Variants in SLC16A7 observed in about 807,000 individuals in gnomAD.
SLC16A7 encodes solute carrier family 16 member 7.
A neutral mutation model predicts 34.9 loss-of-function variants in SLC16A7; 33 were observed. That is an observed-to-expected ratio of 0.94 (90% CI 0.72 to 1.26). The LOEUF (loss-of-function observed/expected upper bound fraction) is 1.26. Ranked by LOEUF, SLC16A7 falls within the 50% of genes most tolerant of loss-of-function variation. SLC16A7 has a pLI of 0.00. For missense variants in SLC16A7, 573 were observed against 578.1 expected, an observed-to-expected ratio of 0.99 and a Z score of 0.09; for synonymous variants, 201 against 206.6, an observed-to-expected ratio of 0.97 and a Z score of 0.23.
intron 3 of SLC16A7, among the ~76,000 whole-genome samples, chr12:59,759,913 T>C (rs1452267222): frequency 1.3e-5 from 2 of 152,074 alleles, no homozygotes; most frequent in African/African-American, 2.4e-5. Context: ...AATTATGTTT[T>C]TCTAATGAGA....
chr12:59,773,216 G>A (rs1208075096), intron 4 of SLC16A7, among the ~76,000 whole-genome samples: 6 of 152,064 alleles, frequency 3.9e-5, no homozygotes, highest in African/African-American at 1.4e-4. Context: ...TTATAAATCG[G>A]ATTTAATTAC....
intron 2 of SLC16A7, among the ~76,000 whole-genome samples, chr12:59,698,295 G>C (rs561076084): frequency 1.7e-4 from 26 of 151,778 alleles, no homozygotes; most frequent in Non-Finnish European, 3.1e-4. Flanking sequence ...AAATAAATGA[G>C]ATATTCAAAT....
chr12:59,684,133 A>G (rs1469732558), intron 2 of SLC16A7, among the ~76,000 whole-genome samples: 1 of 152,220 alleles, frequency 6.6e-6, no homozygotes, highest in African/African-American at 2.4e-5. Flanking sequence ...AAGGAAATTT[A>G]GTGGTGGCTC....
At chr12:59,636,742 T>C (rs1340123558) in intron 1 of SLC16A7, among the ~76,000 whole-genome samples, 1 of 152,146 alleles carries the variant, frequency 6.6e-6, no homozygotes, top group East Asian at 1.9e-4. Context: ...TGGAGATATA[T>C]GATGAATTTG....
At chr12:59,625,412 A>T (rs1479983028) in intron 1 of SLC16A7, among the ~76,000 whole-genome samples, 3 of 151,856 alleles carry the variant, frequency 2.0e-5, no homozygotes, top group South Asian at 2.1e-4. Flanking sequence ...AAGGGATACT[A>T]TTTAAGAATA....
intron 2 of SLC16A7, among the ~76,000 whole-genome samples, chr12:59,688,696 C>T (rs1215829099): frequency 6.6e-6 from 1 of 151,906 alleles, no homozygotes; most frequent in Non-Finnish European, 1.5e-5. Context: ...CTCATAATTT[C>T]ATTTAGGTAT....
intron 2 of SLC16A7, among the ~76,000 whole-genome samples, chr12:59,670,466 T>C (rs907441044): frequency 2.0e-5 from 3 of 152,140 alleles, no homozygotes; most frequent in Non-Finnish European, 4.4e-5. Flanking sequence ...ATACATATGA[T>C]TCCAACATTC....
At position 59,758,890 on chromosome 12, in the gene SLC16A7, A is replaced by G. The variant is rs937655208; in HGVS notation, c.218-12329A>G. On this transcript the variant is annotated intron_variant, in intron 3 of 5. Coordinates refer to ENST00000547379, the MANE Select transcript of SLC16A7 (RefSeq NM_001270623.2). ...AGGATAACATTATTTTAATGCGTGT[A>G]TGTATTGTTTCATCTCCAAGTCTTG... Among the ~76,000 whole-genome samples, 4 of 152,036 alleles carry G rather than the reference A, an allele frequency of 2.6e-5. No homozygotes were observed. The South Asian group carries it at 6.2e-4, about 24-fold the overall frequency.
rs556264088 is a variant in SLC16A7 at position 59,781,678 on chromosome 12, G to C, written c.*1999G>C. 1 of 152,570 alleles carries C rather than the reference G, an allele frequency of 6.6e-6. No homozygotes were observed. Among genetic ancestry groups the C allele is most frequent in the Non-Finnish European group, 1.5e-5 (1 of 67,994 alleles). 9.5% of individuals were successfully genotyped at this position (152,570 alleles called of 1,614,324 possible). A position where few individuals can be genotyped will look rare whatever the true frequency, so the allele number is the denominator to read the frequency against. On this transcript the variant is annotated 3_prime_UTR_variant, in exon 6 of 6. Transcript: ENST00000547379. ...TCACCCGATCTTGATTCTTGAATTA[G>C]CTATGTTTATATTTTTAGTTCTTTT... is the stretch of plus-strand genomic sequence containing the variant.
chr12:59,638,021 T>C (rs1463260715), intron 1 of SLC16A7, among the ~76,000 whole-genome samples: 1 of 152,152 alleles, frequency 6.6e-6, no homozygotes, highest in African/African-American at 2.4e-5. Flanking sequence ...GATAAACTTC[T>C]ATTGCTTAGA....
intron 4 of SLC16A7, among the ~76,000 whole-genome samples, chr12:59,771,670 T>C (rs1882245064): frequency 6.6e-6 from 1 of 152,320 alleles, no homozygotes; most frequent in South Asian, 2.1e-4. Flanking sequence ...ATGGTGTTGT[T>C]GGACACAGAC....
chr12:59,628,399 CT>C (rs1352510156), intron 1 of SLC16A7, among the ~76,000 whole-genome samples: 1 of 151,822 alleles, frequency 6.6e-6, no homozygotes, highest in African/African-American at 2.4e-5. Flanking sequence ...TTTGAATACT[CT>C]GTTCTTTATA....
At chr12:59,616,318 A>G (rs1348633004) in intron 1 of SLC16A7, among the ~76,000 whole-genome samples, 1 of 152,166 alleles carries the variant, frequency 6.6e-6, no homozygotes, top group South Asian at 2.1e-4. Flanking sequence ...GCATTTTGTC[A>G]TTGACTTTGA....
chr12:59,690,871 A>C (rs1871566648), intron 2 of SLC16A7, among the ~76,000 whole-genome samples: 1 of 151,910 alleles, frequency 6.6e-6, no homozygotes, highest in East Asian at 1.9e-4. Context: ...ATCTATAAGC[A>C]CGGATCGATT....
At chr12:59,736,126 A>G (rs1877563156) in intron 3 of SLC16A7, 1 of 177,742 alleles carries the variant, frequency 5.6e-6, no homozygotes, top group Non-Finnish European at 1.2e-5. Flanking sequence ...GGTTGGAAAT[A>G]TGAGAGCAAG....
chr12:59,680,134 A>G (rs1425618198), intron 2 of SLC16A7, among the ~76,000 whole-genome samples: 4 of 152,202 alleles, frequency 2.6e-5, no homozygotes, highest in Non-Finnish European at 5.9e-5. Flanking sequence ...TGCAATCAAA[A>G]TGTCCAAGAA....
intron 3 of SLC16A7, among the ~76,000 whole-genome samples, chr12:59,716,356 G>A (rs1445923911): frequency 6.6e-6 from 1 of 151,938 alleles, no homozygotes; most frequent in East Asian, 1.9e-4. Flanking sequence ...TCCGATCTAC[G>A]TCAGATTCAT....
At chr12:59,692,364 C>CATGG (rs1565652125) in intron 2 of SLC16A7, among the ~76,000 whole-genome samples, 1 of 151,974 alleles carries the variant, frequency 6.6e-6, no homozygotes, top group African/African-American at 2.4e-5. Context: ...GGGATCCAGA[C>CATGG]ATGGACATAG....
chr12:59,676,470 A>G (rs531715588), intron 2 of SLC16A7, among the ~76,000 whole-genome samples: 2 of 152,150 alleles, frequency 1.3e-5, no homozygotes, highest in South Asian at 2.1e-4. Flanking sequence ...TATTACTCAC[A>G]TAAAATCTAT....
Sources: allele counts gnomAD v4.1 joint callset (sites outside exome capture counted in the v4.1 genomes callset), GRCh38; gene constraint gnomAD v4.1.1; transcripts MANE v1.5; gene names NCBI Gene and HGNC (gene_info 2026-07-23, HGNC 2026-07-21).